ZFAT: variants seen among roughly 807,000 people sequenced by gnomAD.
ZFAT encodes the protein zinc finger and AT-hook domain containing.
A neutral mutation model predicts 117.7 loss-of-function variants in ZFAT; 64 were observed. The observed-to-expected ratio is 0.54, with a 90% CI of 0.44 to 0.67. The LOEUF (loss-of-function observed/expected upper bound fraction) is 0.67, where lower values mean the gene tolerates loss of function less well. ZFAT is among the 30% of genes least tolerant of loss of function. The pLI is 0.00. For missense variants in ZFAT, 1,433 were observed against 1,584.5 expected, an observed-to-expected ratio of 0.90 and a Z score of 1.62; for synonymous variants, 679 against 615.0, an observed-to-expected ratio of 1.10 and a Z score of -1.54.
chr8:134,722,867 G>GGTT, the ZFAT span: 4 of 152,112 alleles, frequency 2.6e-5, no homozygotes, highest in African/African-American at 9.7e-5. Flanking sequence ...CCTTTAAAGA[G>GGTT]GTTATTAAGG....
rs1267063755 is a variant in ZFAT at position 134,645,939 on chromosome 8, A to T, written c.197-8227T>A. Among the ~76,000 whole-genome samples, 27 of 152,206 alleles carry T rather than the reference A, an allele frequency of 1.8e-4. 1 individual carries two copies. The highest frequency in any genetic ancestry group is 1.7e-3 in the Admixed American group (26 of 15,272). On this transcript the variant is annotated intron_variant, in intron 2 of 15. Transcript: ENST00000377838. ...AGAACTGAGCCAGGCGCAGTGGCTC[A>T]CGCCTGTAATCCCAGCACTTTGGGA...
At chr8:134,714,434 CAT>C (rs1186604693), upstream of ZFAT, among the ~76,000 whole-genome samples, 2 of 152,108 alleles carry the variant, frequency 1.3e-5, no homozygotes, top group Non-Finnish European at 2.9e-5. Context: ...GTTGCATAGT[CAT>C]ATTACTGAAT....
chr8:134,625,451 G>C (rs1302340072), intron 3 of ZFAT, among the ~76,000 whole-genome samples: 1 of 152,164 alleles, frequency 6.6e-6, no homozygotes, highest in East Asian at 1.9e-4. Flanking sequence ...GGAGTTCAGG[G>C]CTACCTCCTC....
rs117567232 is a variant in ZFAT, at chr8:134,542,123, A to C, written c.2977-9151T>G. On this transcript the variant is annotated intron_variant, in intron 11 of 15. Transcript: ENST00000377838. ...GGTCACCCTCGTTCACTGGACTCGA[A>C]CCATACTGGCTCCTTTCTCATTTGC... Among the ~76,000 whole-genome samples, 1,378 of 152,268 alleles carry C rather than the reference A, an allele frequency of 9.0e-3. 8 individuals carry two copies. The highest frequency in any genetic ancestry group is 0.016 in the Non-Finnish European group (1,060 of 68,008).
intron 1 of ZFAT, among the ~76,000 whole-genome samples, chr8:134,708,812 C>T (rs1279693601): frequency 1.3e-5 from 2 of 152,048 alleles, no homozygotes; most frequent in Non-Finnish European, 2.9e-5. Flanking sequence ...ATTAGCGAGG[C>T]GTGGTGGCGC....
At chr8:134,511,841 T>C (rs1345384346) in intron 14 of ZFAT, among the ~76,000 whole-genome samples, 2 of 152,144 alleles carry the variant, frequency 1.3e-5, no homozygotes, top group African/African-American at 2.4e-5. Context: ...GTAAAAATCC[T>C]GACTGGGCCT....
intron 3 of ZFAT, among the ~76,000 whole-genome samples, chr8:134,617,747 C>G (rs1194325132): frequency 1.3e-5 from 2 of 152,236 alleles, no homozygotes; most frequent in Non-Finnish European, 2.9e-5. Flanking sequence ...GCCCAACCCA[C>G]CTTGCACATG....
At chr8:134,652,170 T>A (rs573805011) in intron 2 of ZFAT, among the ~76,000 whole-genome samples, 6 of 152,216 alleles carry the variant, frequency 3.9e-5, no homozygotes. Flanking sequence ...ATATAAAAAT[T>A]AGCCAGAAAT....
intron 3 of ZFAT, among the ~76,000 whole-genome samples, chr8:134,623,799 C>T (rs1444379371): frequency 6.6e-6 from 1 of 152,032 alleles, no homozygotes; most frequent in East Asian, 1.9e-4. Flanking sequence ...CTACCCCCAG[C>T]CCCACTCTTC....
chr8:134,517,389 C>G (rs964781211), intron 13 of ZFAT, among the ~76,000 whole-genome samples: 1 of 152,090 alleles, frequency 6.6e-6, no homozygotes, highest in Non-Finnish European at 1.5e-5. Context: ...TCTCCTTTCC[C>G]TACATATAAT....
chr8:134,682,574 G>C (rs1329923107), intron 1 of ZFAT, among the ~76,000 whole-genome samples: 1 of 152,206 alleles, frequency 6.6e-6, no homozygotes, highest in Non-Finnish European at 1.5e-5. Context: ...AGGATCGCTT[G>C]AGCCTGGAAG....
At chr8:134,522,930 C>T (rs1257918550) in intron 12 of ZFAT, among the ~76,000 whole-genome samples, 2 of 152,152 alleles carry the variant, frequency 1.3e-5, no homozygotes, top group African/African-American at 2.4e-5. Context: ...ACTTTCCAGA[C>T]CTTCCTGTAC....
At chr8:134,831,700 C>A in the ZFAT span, among the ~76,000 whole-genome samples, 2 of 152,030 alleles carry the variant, frequency 1.3e-5, no homozygotes, top group Non-Finnish European at 2.9e-5. Flanking sequence ...GGGAGGGGCC[C>A]ACCTGCCTCC....
At chr8:134,509,089 G>A (rs535554975) in intron 15 of ZFAT, among the ~76,000 whole-genome samples, 2 of 152,260 alleles carry the variant, frequency 1.3e-5, no homozygotes, top group East Asian at 3.9e-4. Flanking sequence ...AAAAGGAAAT[G>A]AGCCAAGCAG....
chr8:134,478,435 C>T lies in ZFAT; in HGVS notation c.*47G>A, dbSNP rs1372418664. The stretch of plus-strand genomic sequence containing the variant: ...GTGGCCTCCCCACCCTGGGTGCCTG[C>T]AGAGCCTGGCAGCCCCGCCCTGTGG... On this transcript the variant is annotated 3_prime_UTR_variant, in exon 16 of 16. Coordinates refer to ENST00000377838, the MANE Select transcript of ZFAT (RefSeq NM_020863.4). The surrounding 1 kb of genome is among the most constrained non-coding windows in gnomAD (Gnocchi z 5.2). 1 of 1,533,668 alleles carries T rather than the reference C, an allele frequency of 6.5e-7. No individual in the cohort carries two copies. The highest frequency in any genetic ancestry group is 8.8e-7 in the Non-Finnish European group (1 of 1,136,620).
intron 13 of ZFAT, among the ~76,000 whole-genome samples, chr8:134,518,850 TTA>T (rs1308069851): frequency 6.6e-6 from 1 of 152,144 alleles, no homozygotes; most frequent in Non-Finnish European, 1.5e-5. Context: ...AGATTCAATT[TTA>T]TCTTTTTTCA....
intron 7 of ZFAT, among the ~76,000 whole-genome samples, chr8:134,592,859 C>A (rs1343279777): frequency 6.6e-6 from 1 of 152,244 alleles, no homozygotes; most frequent in Non-Finnish European, 1.5e-5. Flanking sequence ...AACCAAAAGT[C>A]CTTCTGAACA....
intron 15 of ZFAT, among the ~76,000 whole-genome samples, chr8:134,485,408 A>G (rs1817596041): frequency 6.6e-6 from 1 of 152,158 alleles, no homozygotes; most frequent in African/African-American, 2.4e-5. Context: ...TTTCCTCTCT[A>G]ATGAGAAGAC....
chr8:134,602,397 G>A lies in ZFAT; in HGVS notation c.1322C>T (p.Ala441Val). The A allele has an allele frequency of 6.2e-7, 1 of 1,613,846 alleles. No individual in the cohort carries two copies. The highest frequency in any genetic ancestry group is 8.5e-7 in the Non-Finnish European group (1 of 1,180,040). Residue 441 changes from alanine to valine, a missense_variant, in exon 6 of 16, where the codon GCC becomes GTC. By Grantham distance (64) the Ala-to-Val change is moderately conservative (BLOSUM62 0). Coordinates refer to ENST00000377838, the MANE Select transcript of ZFAT (RefSeq NM_020863.4). ...PFACELCGHG[A>V]TKYQALELHV... is the part of the protein sequence containing the mutation. The stretch of plus-strand genomic sequence containing the variant: ...CAGTTCCAGCGCCTGGTACTTGGTG[G>A]CCCCATGGCCACAGAGCTCACAGGC...
Sources: gnomAD v4.1 joint callset for allele counts (sites outside exome capture counted in the v4.1 genomes callset) on GRCh38, gnomAD v4.1.1 for gene constraint, Gnocchi (gnomAD v3.1) non-coding constraint, MANE v1.5 for transcripts, NCBI Gene and HGNC (gene_info 2026-07-23, HGNC 2026-07-21) for gene names.